The following AMBP variants were observed in gnomAD, a reference collection of about 807,000 sequenced individuals.
AMBP encodes the protein protein AMBP.
Under a neutral mutation model 46.3 loss-of-function variants are expected in AMBP, and 37 were observed. That is an observed-to-expected ratio of 0.80 (90% confidence interval 0.61 to 1.05). The LOEUF is 1.05. Among genes scored for constraint, AMBP ranks in the 50% least tolerant of loss-of-function variants. The probability of loss-of-function intolerance (pLI) is 0.00; values close to 1 mark genes in which losing one functional copy is unlikely to be tolerated. For synonymous variants in AMBP, 174 were observed against 175.9 expected (o/e 0.99, Z 0.09); for missense variants, 475 against 461.2 (o/e 1.03, Z -0.27).
At position 114,062,777 on chromosome 9, in the gene AMBP, G is replaced by A; in HGVS notation, c.604-19C>T. The stretch of plus-strand genomic sequence containing the variant: ...GGACTCTCTGCGGGGGAGAGAAAGA[G>A]AAGAAGCAGTTGCAGACTCCTTGCC... On this transcript the variant is annotated intron_variant, in intron 6 of 9. Transcript: ENST00000265132. 6.2e-7 allele frequency: 1 copy of A among 1,613,042 alleles called. No homozygotes were observed. The highest frequency in any genetic ancestry group is 8.5e-7 in the Non-Finnish European group (1 of 1,179,044).
intron 2 of AMBP, 109 bp downstream of exon 2, chr9:114,076,489 A>ATCTG: frequency 6.7e-7 from 1 of 1,484,874 alleles, no homozygotes; most frequent in South Asian, 1.3e-5. Flanking sequence ...GTTCAGCGGG[A>ATCTG]AGGTCCTGAC....
At chr9:114,060,901 C>G (rs778082535) in intron 9 of AMBP, 24 bp downstream of exon 9, 1 of 1,607,696 alleles carries the variant, frequency 6.2e-7, no homozygotes, top group Non-Finnish European at 8.5e-7. Flanking sequence ...TCGGCCCAGC[C>G]TGGCACCCTG....
chr9:114,066,225 A>G (rs1315754852), intron 6 of AMBP, among the ~76,000 whole-genome samples: 2 of 152,204 alleles, frequency 1.3e-5, no homozygotes, highest in African/African-American at 2.4e-5. Flanking sequence ...CCTCTGCCCT[A>G]TCCTGCCTTC....
chr9:114,068,609 TAAAAA>T (rs542602247), intron 6 of AMBP, among the ~76,000 whole-genome samples: 1 of 144,160 alleles, frequency 6.9e-6, no homozygotes, highest in Non-Finnish European at 1.5e-5. Flanking sequence ...CTGTCTCAAT[TAAAAA>T]AAAAAAAATT....
rs1215456118 is a variant in AMBP at position 114,074,051 on chromosome 9, T to A, written c.439A>T (p.Thr147Ser). The change falls in exon 4 of 10, where the codon ACT becomes TCT. Residue 147 changes from threonine (T) to serine (S), a missense_variant. Around this residue, in one of 3 missense-constraint regions of AMBP, gnomAD observed 293 missense variants for 276.9 expected, o/e 1.06. Coordinates refer to ENST00000265132, the MANE Select transcript of AMBP (RefSeq NM_001633.4). ...KFSRHHGPTI[T>S]AKLYGRAPQL... Reference sequence around the variant, plus strand: ...GAGCCTTTACCGTAGAGCTTGGCAGTAATGGTGGGTCCATGATGGCGGCTG... The same window carrying A: ...GAGCCTTTACCGTAGAGCTTGGCAGAAATGGTGGGTCCATGATGGCGGCTG... 6 of 1,614,046 alleles carry A rather than the reference T, an allele frequency of 3.7e-6. No homozygotes were observed. Among genetic ancestry groups the A allele is most frequent in the Non-Finnish European group, 5.1e-6 (6 of 1,180,008 alleles).
rs1846791997 is a variant in AMBP, at chr9:114,075,111, G to A, written c.261-75C>T. The A allele has an allele frequency of 3.2e-6, 4 of 1,236,644 alleles. 1 individual carries two copies. In the Admixed American group the frequency reaches 8.4e-5, roughly 26 times the overall value. The allele number at this position is 1,236,644 out of a possible 1,614,324, so 76.6% of individuals were successfully genotyped here. On this transcript the variant is annotated intron_variant, in intron 2 of 9. Transcript: ENST00000265132. ...TCCTGACACTCAACCCTCCTGCAGG[G>A]CTCTTTCCAAATGCCTTGGTTTTGG...
chr9:114,071,540 T>C (rs1340544224), intron 5 of AMBP, among the ~76,000 whole-genome samples: 1 of 152,004 alleles, frequency 6.6e-6, no homozygotes, highest in East Asian at 1.9e-4. Context: ...GGCTCCTGAG[T>C]GGAAGGAGGC....
chr9:114,064,638 C>A (rs1031380901), intron 6 of AMBP, among the ~76,000 whole-genome samples: 1 of 151,134 alleles, frequency 6.6e-6, no homozygotes, highest in African/African-American at 2.4e-5. Context: ...CTCTAGAGTT[C>A]TCCCCCCAAT....
Position 114,074,014 on chromosome 9 carries a change from A to G in AMBP, c.454+22T>C, listed in dbSNP as rs112260682. The G allele has an allele frequency of 1.3e-4, 215 of 1,593,044 alleles. No individual in the cohort carries two copies. In the African/African-American group the frequency reaches 2.1e-3, roughly 16 times the overall value. On this transcript the variant is annotated intron_variant, in intron 4 of 9. Transcript: ENST00000265132. ...CCTCCCACCCTTAACTCCAATGGGC[A>G]CATCTAGTAATGAGCCTTTACCGTA...
chr9:114,060,409 T>C, intron 9 of AMBP, 139 bp from the exon 10 acceptor site: 1 of 947,106 alleles, frequency 1.1e-6, no homozygotes, highest in Non-Finnish European at 1.5e-6. Context: ...ATGATCAGAT[T>C]TTTTTTTCCT....
At chr9:114,069,631 TGTGCAGC>T in intron 6 of AMBP, 61 bp downstream of exon 6, 2 of 1,354,430 alleles carry the variant, frequency 1.5e-6, no homozygotes, top group Non-Finnish European at 2.0e-6. Flanking sequence ...CAGGATCAAG[TGTGCAGC>T]GTGCCTGGGG....
intron 6 of AMBP, among the ~76,000 whole-genome samples, chr9:114,063,775 A>G (rs1275808644): frequency 6.6e-6 from 1 of 152,242 alleles, no homozygotes; most frequent in Non-Finnish European, 1.5e-5. Context: ...ATGTGAAAGT[A>G]GAAAATTGTT....
chr9:114,070,140 A>G (rs1238357245), intron 5 of AMBP, among the ~76,000 whole-genome samples: 3 of 152,222 alleles, frequency 2.0e-5, no homozygotes, highest in Admixed American at 6.5e-5. Flanking sequence ...TGAGGCTCTG[A>G]GAAGTTGACT....
At chr9:114,061,172 G>C in intron 8 of AMBP, 74 bp from the exon 9 acceptor site, 1 of 1,544,346 alleles carries the variant, frequency 6.5e-7, no homozygotes. Flanking sequence ...AGACTGCTGA[G>C]CCAGAGGGCC....
chr9:114,068,072 CAAAAG>C (rs899317470), intron 6 of AMBP, among the ~76,000 whole-genome samples: 20 of 152,160 alleles, frequency 1.3e-4, no homozygotes, highest in African/African-American at 4.3e-4. Flanking sequence ...ATTTAAAAGA[CAAAAG>C]AAATTTTCGA....
intron 7 of AMBP, among the ~76,000 whole-genome samples, chr9:114,061,853 C>T (rs1032938749): frequency 1.3e-5 from 2 of 152,014 alleles, no homozygotes; most frequent in Non-Finnish European, 2.9e-5. Context: ...GCCCACTGTC[C>T]CCCTGTATTG....
At position 114,061,743 on chromosome 9, in the gene AMBP, T is replaced by C. The variant is rs942685110; in HGVS notation, c.686-152A>G. The C allele has an allele frequency of 6.1e-6, 6 of 981,074 alleles. No homozygotes were observed. In the Admixed American group the frequency reaches 9.2e-5, roughly 15 times the overall value. The allele number at this position is 981,074 out of a possible 1,614,324, so 60.8% of individuals were successfully genotyped here. A position where few individuals can be genotyped will look rare whatever the true frequency, so the allele number is the denominator to read the frequency against. On this transcript the variant is annotated intron_variant, in intron 7 of 9. Transcript: ENST00000265132. ...CAAACTGACTCTCAGAGAGGTGAAG[T>C]AACTTGGCCGGGGTCACATAGAGCT...
intron 1 of AMBP, chr9:114,077,468 G>A (rs1846825904): frequency 6.5e-6 from 1 of 153,286 alleles, no homozygotes; most frequent in African/African-American, 2.4e-5. Context: ...GGGCAGAGTG[G>A]GGGCTGGAAG....
At chr9:114,065,366 G>A (rs1053886747) in intron 6 of AMBP, among the ~76,000 whole-genome samples, 1 of 152,074 alleles carries the variant, frequency 6.6e-6, no homozygotes, top group African/African-American at 2.4e-5. Flanking sequence ...GAATTGGGAT[G>A]ATGTTTTTAA....
Sources: gnomAD v4.1 joint callset for allele counts (sites outside exome capture counted in the v4.1 genomes callset) on GRCh38, gnomAD v4.1.1 for gene constraint, gnomAD v4.1.1 regional missense constraint, MANE v1.5 for transcripts, NCBI Gene and HGNC (gene_info 2026-07-23, HGNC 2026-07-21) for gene names.